IGSF22: variants seen among roughly 807,000 people sequenced by gnomAD.
The protein encoded by IGSF22 is immunoglobulin superfamily member 22, also known as immunoglobulin superfamily, member 22.
IGSF22 carries 119 observed loss-of-function variants against 127.0 expected under a neutral mutation model. The observed-to-expected ratio is 0.94, with a 90% CI of 0.81 to 1.09. The LOEUF is 1.09. Ranked by LOEUF, IGSF22 falls within the 50% of genes least tolerant of loss-of-function variation. The pLI, the probability that IGSF22 is intolerant of heterozygous loss-of-function variation, is 0.00. For synonymous variants in IGSF22, 568 were observed against 664.7 expected (o/e 0.85, Z 2.24); for missense variants, 1,518 against 1,716.6 (o/e 0.88, Z 2.04).
chr11:18,711,649 C>A (rs940780057), intron 15 of IGSF22, among the ~76,000 whole-genome samples: 1 of 152,196 alleles, frequency 6.6e-6, no homozygotes, highest in African/African-American at 2.4e-5. Context: ...CCTCCCACCT[C>A]GGCCTCCCAA....
At position 18,715,527 on chromosome 11, in the gene IGSF22, TCCTCAATGATCAGCTCTGCTC is replaced by T. The variant is rs757027011; in HGVS notation, c.1415_1435del (p.Arg472_Asp479delinsHis). ...CTCGCCACCATCACTGAGCTGTGCA[TCCTCAATGATCAGCTCTGCTC>T]GCTTGCCCTCATGGTTCATGCTGTA... is the stretch of plus-strand genomic sequence containing the variant. On this transcript the variant is annotated inframe_deletion, in exon 11 of 23. Transcript: ENST00000513874. The T allele has an allele frequency of 2.5e-5, 40 of 1,613,808 alleles. No homozygotes were observed. The highest frequency in any genetic ancestry group is 3.4e-5 in the Non-Finnish European group (40 of 1,179,940).
At chr11:18,717,056 G>A (rs10766495) in intron 9 of IGSF22, 56 bp from the exon 10 acceptor site, 1,176,807 of 1,582,064 alleles carry the variant, frequency 0.74, 438,850 homozygotes, top group East Asian at 0.82. Context: ...GAGGGGTGGA[G>A]TGGTGAAGAG....
At chr11:18,720,870 C>T (rs1848559094) in intron 4 of IGSF22, among the ~76,000 whole-genome samples, 1 of 152,172 alleles carries the variant, frequency 6.6e-6, no homozygotes, top group African/African-American at 2.4e-5. Flanking sequence ...GAGCAGACTA[C>T]TTCTGTCTGT....
rs536607207 is a variant in IGSF22 at position 18,710,970 on chromosome 11, C to G, written c.2399-142G>C. ...CTTTTTCCTTTTTTAGAGACAAGGT[C>G]TCACTCTGTTGCCCAGGATGATCTT... On this transcript the variant is annotated intron_variant, in intron 15 of 22. Coordinates refer to ENST00000513874, the MANE Select transcript of IGSF22 (RefSeq NM_173588.4). 55 of 727,052 alleles carry G rather than the reference C, an allele frequency of 7.6e-5. No homozygotes were observed. In the African/African-American group the frequency reaches 9.4e-4, roughly 12 times the overall value. The allele number at this position is 727,052 out of a possible 1,614,324, so 45.0% of individuals were successfully genotyped here. A position where few individuals can be genotyped will look rare whatever the true frequency, so the allele number is the denominator to read the frequency against.
At position 18,716,676 on chromosome 11, in the gene IGSF22, G is replaced by A; in HGVS notation, c.1246+52C>T. The A allele has an allele frequency of 1.3e-6, 2 of 1,560,444 alleles. No individual in the cohort carries two copies. The highest frequency in any genetic ancestry group is 3.4e-5 in the Admixed American group (2 of 59,238). ...TATATAAATGATGACTACCTGCATG[G>A]AGGTTGCTGTGCCATAAAGCCCACC... On this transcript the variant is annotated intron_variant, in intron 10 of 22. Transcript: ENST00000513874. The surrounding 1 kb of genome is among the most constrained non-coding windows in gnomAD (Gnocchi z 4.5).
chr11:18,705,367 T>C (rs1008074755), intron 22 of IGSF22: 1 of 168,892 alleles, frequency 5.9e-6, no homozygotes, highest in African/African-American at 2.4e-5. Flanking sequence ...AAAGGGAGGG[T>C]TCCCTTCGCT....
At chr11:18,721,792 C>T in intron 3 of IGSF22, 118 bp downstream of exon 3, 1 of 1,585,968 alleles carries the variant, frequency 6.3e-7, no homozygotes, top group South Asian at 1.1e-5. Flanking sequence ...GGGGAGGAAC[C>T]CTCGGCCAGG....
intron 16 of IGSF22, 79 bp downstream of exon 16, chr11:18,710,576 G>T: frequency 6.3e-7 from 1 of 1,579,700 alleles, no homozygotes; most frequent in South Asian, 1.1e-5. Flanking sequence ...GTTGGATGAG[G>T]GACTGTGTCA....
In IGSF22 at chr11:18,704,704, A is replaced by C. The variant is rs996062233; in HGVS notation, c.3911-166T>G. The C allele has an allele frequency of 2.3e-4, 137 of 608,600 alleles. 1 individual carries two copies. The highest frequency in any genetic ancestry group is 3.5e-5 in the Non-Finnish European group (12 of 338,462). 37.7% of individuals were successfully genotyped at this position (608,600 alleles called of 1,614,324 possible). A position where few individuals can be genotyped will look rare whatever the true frequency, so the allele number is the denominator to read the frequency against. On this transcript the variant is annotated intron_variant, in intron 22 of 22. Transcript: ENST00000513874. Reference sequence around the variant, plus strand: ...AGAGCTGCCATTTATCTAGCACTTAATATTTGCCAGACATTGTGCCAGGCA... The same window carrying C: ...AGAGCTGCCATTTATCTAGCACTTACTATTTGCCAGACATTGTGCCAGGCA...
At chr11:18,705,793 G>A (rs1160860728) in intron 22 of IGSF22, 24 bp downstream of exon 22, 3 of 1,520,724 alleles carry the variant, frequency 2.0e-6, no homozygotes, top group East Asian at 2.5e-5. Context: ...CCCTCCTCGA[G>A]GCCGGACCCC....
intron 20 of IGSF22, 26 bp from the exon 21 acceptor site, chr11:18,707,239 C>A: frequency 6.7e-7 from 1 of 1,498,182 alleles, no homozygotes; most frequent in South Asian, 1.3e-5. Flanking sequence ...GATCTGTCAG[C>A]GACCTTGGGG....
In IGSF22 at chr11:18,709,411, C is replaced by T. The variant is rs1478206828; in HGVS notation, c.2974G>A (p.Gly992Arg). 1.9e-6 allele frequency: 3 copies of T among 1,614,058 alleles called. No individual in the cohort carries two copies. The East Asian group carries it at 6.7e-5, about 36-fold the overall frequency. The change falls in exon 18 of 23, where the codon GGG becomes AGG. Residue 992 changes from glycine to arginine, a missense_variant. Physicochemically the swap from Gly to Arg is moderately radical, Grantham distance 125. Coordinates refer to ENST00000513874, the MANE Select transcript of IGSF22 (RefSeq NM_173588.4). The surrounding 1 kb of genome is among the most constrained non-coding windows in gnomAD (Gnocchi z 4.8). ...GVGEPVELDK[G>R]VRAMPPPAAP... ...CCTGGTGGTGGCATGGCACGGACCCCCTTGTCTAGCTCCACAGGCTCCCCA... is the reference window on the plus strand; with the variant it reads ...CCTGGTGGTGGCATGGCACGGACCCTCTTGTCTAGCTCCACAGGCTCCCCA...
Position 18,714,541 on chromosome 11 carries a change from C to T in IGSF22, c.1615G>A (p.Asp539Asn), listed in dbSNP as rs770258271. The T allele has an allele frequency of 6.2e-7, 1 of 1,614,234 alleles. No homozygotes were observed. Among genetic ancestry groups the T allele is most frequent in the Admixed American group, 1.7e-5 (1 of 60,032 alleles). Residue 539 changes from aspartate (D) to asparagine (N), a missense_variant, in exon 12 of 23, where the codon GAC becomes AAC. By Grantham distance (23) the Asp-to-Asn change is conservative. This residue lies in a region of IGSF22 where 1,456 missense variants were observed against 1,644.9 expected (regional missense o/e 0.89). Transcript: ENST00000513874. ...AGCCACACACCCTCCACCTTCTCGT[C>T]ATTCAGCACTACACACAACTCAGCT... Reference protein sequence around the residue: ...SPAELCVVLNDEKVEGVWLKD... With the variant: ...SPAELCVVLNNEKVEGVWLKD...
chr11:18,721,466 T>C (rs1590456070), intron 4 of IGSF22, 69 bp downstream of exon 4: 13 of 1,604,272 alleles, frequency 8.1e-6, no homozygotes, highest in Non-Finnish European at 1.0e-5. Context: ...GTGAGAAGAC[T>C]GGCGGCCCGC....
rs1848494867 is a variant in IGSF22 at position 18,718,043 on chromosome 11, C to T, written c.861G>A (p.Lys287=). 1 of 1,614,092 alleles carries T rather than the reference C, an allele frequency of 6.2e-7. No homozygotes were observed. Among genetic ancestry groups the T allele is most frequent in the Non-Finnish European group, 8.5e-7 (1 of 1,180,042 alleles). Residue 287 remains lysine, a synonymous_variant, in exon 9 of 23, where the codon AAG becomes AAA. Coordinates refer to ENST00000513874, the MANE Select transcript of IGSF22 (RefSeq NM_173588.4). The part of the protein sequence containing the change: ...IQYSLGKYDV[K]QMGTKYMLVI... ...CCAGCATGTACTTGGTGCCCATCTGCTTCACATCGTACTTGCCCAGGGAGT... is the reference window on the plus strand; with the variant it reads ...CCAGCATGTACTTGGTGCCCATCTGTTTCACATCGTACTTGCCCAGGGAGT...
rs749940366 is a variant in IGSF22, at chr11:18,721,606, C to T, written c.307G>A (p.Glu103Lys). ...GACTCCTTGATGGGGATGCCGCTCT[C>T]CCTCTTCCAGGAGATGTGGGGTTTG... is the stretch of plus-strand genomic sequence containing the variant. ...NAKPHISWKR[E>K]SGIPIKESAK... The change falls in exon 4 of 23, where the codon GAG (glutamate) becomes AAG (lysine). Residue 103 changes from glutamate (E) to lysine (K), a missense_variant. This residue lies in a region of IGSF22 where 1,456 missense variants were observed against 1,644.9 expected (regional missense o/e 0.89). Transcript: ENST00000513874. The T allele has an allele frequency of 1.2e-6, 2 of 1,614,272 alleles. No individual in the cohort carries two copies. The highest frequency in any genetic ancestry group is 2.2e-5 in the South Asian group (2 of 91,088).
rs761986452 is a variant in IGSF22 at position 18,714,468 on chromosome 11, C to T, written c.1656+32G>A. The T allele has an allele frequency of 1.5e-5, 25 of 1,614,026 alleles. No homozygotes were observed. In the South Asian group the frequency reaches 1.9e-4, roughly 12 times the overall value. ...TGTGAGCATAGGCCAGGTCTACCTC[C>T]TTCACCCCCTTCCCTGGCCTCTGCT... On this transcript the variant is annotated intron_variant, in intron 12 of 22. Coordinates refer to ENST00000513874, the MANE Select transcript of IGSF22 (RefSeq NM_173588.4).
intron 4 of IGSF22, among the ~76,000 whole-genome samples, chr11:18,720,981 A>G (rs1229578831): frequency 6.6e-6 from 1 of 152,190 alleles, no homozygotes; most frequent in Non-Finnish European, 1.5e-5. Flanking sequence ...TCTCCCCGTG[A>G]TCCATCCCTC....
intron 7 of IGSF22, among the ~76,000 whole-genome samples, chr11:18,719,319 T>G (rs1478845143): frequency 2.7e-5 from 3 of 112,388 alleles, no homozygotes; most frequent in Admixed American, 8.9e-5. Flanking sequence ...GGTTTTTTTT[T>G]GTTTTTTTTT....
Sources: gnomAD v4.1 joint callset for allele counts (sites outside exome capture counted in the v4.1 genomes callset) on GRCh38, gnomAD v4.1.1 for gene constraint, gnomAD v4.1.1 regional missense constraint, Gnocchi (gnomAD v3.1) non-coding constraint, MANE v1.5 for transcripts, NCBI Gene and HGNC (gene_info 2026-07-23, HGNC 2026-07-21) for gene names.